The following NVL variants were observed in gnomAD, a reference collection of about 807,000 sequenced individuals.
The protein encoded by NVL is nuclear valosin-containing protein-like.
Under a neutral mutation model 110.2 loss-of-function variants are expected in NVL, and 84 were observed. The ratio of observed to expected loss-of-function variants is 0.76; its 90% CI spans 0.64 to 0.91. The LOEUF (loss-of-function observed/expected upper bound fraction) is 0.91, where lower values mean the gene tolerates loss of function less well. Among genes scored for constraint, NVL ranks in the 40% least tolerant of loss-of-function variants. The pLI, the probability that NVL is intolerant of heterozygous loss-of-function variation, is 0.00. For synonymous variants in NVL, 354 were observed against 361.1 expected, an observed-to-expected ratio of 0.98 and a Z score of 0.22; for missense variants, 882 against 1,035.9, an observed-to-expected ratio of 0.85 and a Z score of 2.04.
intron 11 of NVL, 127 bp downstream of exon 11, chr1:224,296,374 C>T: frequency 3.7e-6 from 2 of 536,548 alleles, no homozygotes; most frequent in Non-Finnish European, 3.1e-6. Context: ...GCCACTGTGC[C>T]CAGTATGACT....
intron 5 of NVL, 83 bp downstream of exon 5, chr1:224,311,717 G>A: frequency 9.7e-7 from 1 of 1,026,350 alleles, no homozygotes; most frequent in Non-Finnish European, 1.5e-6. Flanking sequence ...ACCATGTCCA[G>A]CTAATACTGA....
intron 10 of NVL, 84 bp from the exon 11 acceptor site, chr1:224,296,702 A>C (rs1667916277): frequency 1.2e-6 from 1 of 832,722 alleles, no homozygotes; most frequent in African/African-American, 1.7e-5. Flanking sequence ...TTTTAAAAAA[A>C]ATCTTCAAGG....
chr1:224,315,618 T>C (rs1669988187), intron 4 of NVL, among the ~76,000 whole-genome samples: 1 of 152,234 alleles, frequency 6.6e-6, no homozygotes, highest in African/African-American at 2.4e-5. Context: ...AGAATTCTCA[T>C]AAACTGCTAA....
intron 1 of NVL, among the ~76,000 whole-genome samples, chr1:224,327,400 AC>A (rs1466132757): frequency 2.0e-5 from 3 of 149,288 alleles, no homozygotes; most frequent in African/African-American, 5.0e-5. Flanking sequence ...CAGTGTTCAC[AC>A]CACTGCACTC....
chr1:224,328,469 GA>G (rs34119387), intron 1 of NVL, among the ~76,000 whole-genome samples: 3 of 144,078 alleles, frequency 2.1e-5, no homozygotes, highest in Non-Finnish European at 3.0e-5. Context: ...GCAGTGAGCA[GA>G]AAAAAAAAAA....
At chr1:224,326,226 G>A (rs980345397) in intron 2 of NVL, among the ~76,000 whole-genome samples, 165 bp downstream of exon 2, 5 of 152,182 alleles carry the variant, frequency 3.3e-5, no homozygotes, top group African/African-American at 1.2e-4. Flanking sequence ...CACATAATAG[G>A]TATTTGATAA....
At chr1:224,251,572 G>A (rs1398954068) in intron 18 of NVL, among the ~76,000 whole-genome samples, 2 of 152,052 alleles carry the variant, frequency 1.3e-5, no homozygotes, top group African/African-American at 4.8e-5. Flanking sequence ...CCTGGGAGGC[G>A]GAGGCTGCAA....
rs745959835 is a variant in NVL, at chr1:224,236,579, C to T, written c.2293G>A (p.Gly765Ser). The T allele has an allele frequency of 1.2e-6, 2 of 1,612,878 alleles. No individual in the cohort carries two copies. The highest frequency in any genetic ancestry group is 1.3e-5 in the African/African-American group (1 of 74,990). The part of the protein sequence containing the change: ...LAILKTITKN[G>S]TKPPLDADVN... The stretch of plus-strand genomic sequence containing the variant: ...TCTGCATCCAGTGGTGGTTTGGTAC[C>T]ATTCTAAGTAAGAGAGAAAAATGAT... Residue 765 changes from glycine (G) to serine (S), a missense_variant, in exon 20 of 23, where the codon GGT becomes AGT. Gly to Ser is a moderately conservative substitution (Grantham distance 56, BLOSUM62 0). This residue lies in a region of NVL where 126 missense variants were observed against 140.7 expected (regional missense o/e 0.90). Transcript: ENST00000281701.
chr1:224,295,110 G>A (rs1366370107), intron 11 of NVL, among the ~76,000 whole-genome samples: 1 of 152,204 alleles, frequency 6.6e-6, no homozygotes, highest in Non-Finnish European at 1.5e-5. Flanking sequence ...GGATTGAACA[G>A]CAGGGAGTCT....
intron 12 of NVL, 116 bp downstream of exon 12, chr1:224,294,151 G>T: frequency 1.8e-6 from 2 of 1,125,398 alleles, no homozygotes; most frequent in Non-Finnish European, 1.3e-6. Flanking sequence ...AATTTAATTG[G>T]TACAAAAAGA....
At chr1:224,257,960 A>T (rs1663481070) in intron 18 of NVL, among the ~76,000 whole-genome samples, 1 of 152,224 alleles carries the variant, frequency 6.6e-6, no homozygotes, top group Non-Finnish European at 1.5e-5. Context: ...TGAGAAGAAA[A>T]TGCAGGAGTT....
In NVL at chr1:224,253,746, A is replaced by G. The variant is rs1048442282; in HGVS notation, c.2183-3428T>C. Among the ~76,000 whole-genome samples the G allele has an allele frequency of 1.6e-4, 24 of 150,724 alleles. No homozygotes were observed. The East Asian group carries it at 2.0e-3, about 12-fold the overall frequency. On this transcript the variant is annotated intron_variant, in intron 18 of 22. Transcript: ENST00000281701. Reference sequence around the variant, plus strand: ...GGCTCGGTCTCAAAAAAAAAAAAAAAAAGAAAAGAAAAAAAGAAATTGCCA... The same window carrying G: ...GGCTCGGTCTCAAAAAAAAAAAAAAGAAGAAAAGAAAAAAAGAAATTGCCA...
rs201576372 is a variant in NVL at position 224,305,118 on chromosome 1, T to G, written c.664A>C (p.Lys222Gln). Residue 222 changes from lysine to glutamine, a missense_variant, in exon 7 of 23, where the codon AAG (lysine) becomes CAG (glutamine). Coordinates refer to ENST00000281701, the MANE Select transcript of NVL (RefSeq NM_002533.4). The stretch of plus-strand genomic sequence containing the variant: ...CTTTTGCTTCCTTTATTCTTTAGCT[T>G]GCCTTTCCGTTTCATATCACTCTCC... Reference protein sequence around the residue: ...LLESDMKRKGKLKNKGSKRKK... With the variant: ...LLESDMKRKGQLKNKGSKRKK... 5.0e-6 allele frequency: 8 copies of G among 1,613,760 alleles called. No homozygotes were observed. In the East Asian group the frequency reaches 1.8e-4, roughly 36 times the overall value.
At chr1:224,275,296 T>C (rs767617615) in intron 17 of NVL, 43 bp downstream of exon 17, 9 of 1,611,416 alleles carry the variant, frequency 5.6e-6, no homozygotes, top group South Asian at 5.5e-5. Context: ...AAAAGGTTTA[T>C]TGTGCTAAAA....
intron 12 of NVL, among the ~76,000 whole-genome samples, chr1:224,293,960 T>C (rs995560879): frequency 2.0e-4 from 30 of 152,136 alleles, no homozygotes; most frequent in African/African-American, 7.2e-4. Flanking sequence ...GGACTACAGG[T>C]GTGTGCACAG....
chr1:224,275,856 T>C (rs1356188401), intron 16 of NVL, among the ~76,000 whole-genome samples: 1 of 152,182 alleles, frequency 6.6e-6, no homozygotes, highest in Non-Finnish European at 1.5e-5. Context: ...TACACACAAG[T>C]CAAATTACTG....
chr1:224,294,990 A>G (rs1354265481), intron 11 of NVL, among the ~76,000 whole-genome samples: 1 of 152,232 alleles, frequency 6.6e-6, no homozygotes, highest in African/African-American at 2.4e-5. Context: ...GGGGAATACA[A>G]AATAGTCTTC....
At chr1:224,286,979 G>A (rs189594404) in intron 14 of NVL, among the ~76,000 whole-genome samples, 7 of 152,258 alleles carry the variant, frequency 4.6e-5, no homozygotes, top group Admixed American at 4.6e-4. Flanking sequence ...AAACAATTTG[G>A]TCTTAACTGA....
chr1:224,283,269 C>T (rs938142789), intron 15 of NVL, among the ~76,000 whole-genome samples: 2 of 152,058 alleles, frequency 1.3e-5, no homozygotes, highest in African/African-American at 2.4e-5. Context: ...GGGTGGATCA[C>T]GAGGTCAGGA....
Sources: gnomAD v4.1 joint callset for allele counts (sites outside exome capture counted in the v4.1 genomes callset) on GRCh38, gnomAD v4.1.1 for gene constraint, gnomAD v4.1.1 regional missense constraint, MANE v1.5 for transcripts, NCBI Gene and HGNC (gene_info 2026-07-23, HGNC 2026-07-21) for gene names.